The following ZFP91 variants were observed in gnomAD, a reference collection of about 807,000 sequenced individuals.
The protein encoded by ZFP91 is ZFP91 zinc finger protein, atypical E3 ubiquitin ligase, also known as E3 ubiquitin-protein ligase ZFP91.
In ZFP91, 7 loss-of-function variants were observed where a neutral mutation model predicts 63.5. The observed-to-expected ratio is 0.11, with a 90% CI of 0.06 to 0.21. ZFP91 has a LOEUF of 0.21. ZFP91 is among the 10% of genes least tolerant of loss of function. The probability of loss-of-function intolerance (pLI) is 1.00; values close to 1 mark genes in which losing one functional copy is unlikely to be tolerated. For missense variants in ZFP91, 628 were observed against 736.6 expected (o/e 0.85, Z 1.71); for synonymous variants, 330 against 272.1 (o/e 1.21, Z -2.10).
At chr11:58,588,179 A>C (rs1196592976) in intron 2 of ZFP91, among the ~76,000 whole-genome samples, 2 of 152,140 alleles carry the variant, frequency 1.3e-5, no homozygotes, top group African/African-American at 4.8e-5. Flanking sequence ...CTGGATCTCA[A>C]CCTTTTATTC....
chr11:58,617,875 C>T lies in ZFP91; in HGVS notation c.*169C>T, dbSNP rs1404585948. On this transcript the variant is annotated 3_prime_UTR_variant, in exon 11 of 11. Transcript: ENST00000316059. The surrounding 1 kb of genome is among the most constrained non-coding windows in gnomAD (Gnocchi z 4.2). Reference sequence around the variant, plus strand: ...ACATACACCCTCCACCTCCCCATCCCCTGTTCTCCCTCTGTTGCTCCCCTT... The same window carrying T: ...ACATACACCCTCCACCTCCCCATCCTCTGTTCTCCCTCTGTTGCTCCCCTT... 4.9e-6 allele frequency: 4 copies of T among 822,864 alleles called. No individual in the cohort carries two copies. The highest frequency in any genetic ancestry group is 1.8e-5 in the African/African-American group (1 of 56,398). The allele number at this position is 822,864 out of a possible 1,614,324, so 51.0% of individuals were successfully genotyped here. A position where few individuals can be genotyped will look rare whatever the true frequency, so the allele number is the denominator to read the frequency against.
chr11:58,583,565 G>T (rs1590608365), intron 1 of ZFP91, among the ~76,000 whole-genome samples: 1 of 152,104 alleles, frequency 6.6e-6, no homozygotes, highest in East Asian at 1.9e-4. Context: ...GAAATCCTGT[G>T]ATCAGGATCT....
intron 2 of ZFP91, among the ~76,000 whole-genome samples, chr11:58,586,807 T>C (rs1415282215): frequency 6.6e-6 from 1 of 152,240 alleles, no homozygotes; most frequent in Non-Finnish European, 1.5e-5. Context: ...ATGTTCAGTC[T>C]GCTAAATTTT....
chr11:58,612,458 G>A (rs958702164), intron 7 of ZFP91, 130 bp downstream of exon 7: 5 of 799,986 alleles, frequency 6.3e-6, no homozygotes, highest in South Asian at 3.6e-5. Flanking sequence ...CTTCACTAAT[G>A]TCCTAGATGC....
At chr11:58,605,901 C>T (rs1271811220) in intron 2 of ZFP91, among the ~76,000 whole-genome samples, 1 of 152,050 alleles carries the variant, frequency 6.6e-6, no homozygotes. Flanking sequence ...TAAACGATCT[C>T]TTAGGCTTTA....
chr11:58,590,358 G>A (rs1855283387), intron 2 of ZFP91, among the ~76,000 whole-genome samples: 1 of 152,124 alleles, frequency 6.6e-6, no homozygotes, highest in Non-Finnish European at 1.5e-5. Context: ...AAAATTTAGT[G>A]GCTTAAAACA....
chr11:58,621,165 T>A lies in ZFP91; in HGVS notation c.*3459T>A, dbSNP rs532027260. On this transcript the variant is annotated 3_prime_UTR_variant, in exon 11 of 11. Transcript: ENST00000316059. ...TGTGGGGCATACTATTGTTTGCTTT[T>A]GTTGAGAATCAGGTGGTTAATTTTT... 1.1e-4 allele frequency: 16 copies of A among 149,484 alleles called. No homozygotes were observed. Among genetic ancestry groups the A allele is most frequent in the African/African-American group, 4.0e-4 (16 of 40,164 alleles). The allele number at this position is 149,484 out of a possible 1,614,324, so 9.3% of individuals were successfully genotyped here.
rs1590603289 is a variant in ZFP91, at chr11:58,579,093, G to C, written c.-189G>C. On this transcript the variant is annotated 5_prime_UTR_variant, in exon 1 of 11. Coordinates refer to ENST00000316059, the MANE Select transcript of ZFP91 (RefSeq NM_053023.5). The stretch of plus-strand genomic sequence containing the variant: ...GCGCGCGCGCGCGCCGCCAGCGGTA[G>C]CGGACCTTGAGTGGCAGGGGGTGGG... The C allele has an allele frequency of 4.2e-5, 18 of 424,776 alleles. No homozygotes were observed. The highest frequency in any genetic ancestry group is 3.1e-4 in the South Asian group (5 of 16,288). The allele number at this position is 424,776 out of a possible 1,614,324, so 26.3% of individuals were successfully genotyped here.
intron 2 of ZFP91, among the ~76,000 whole-genome samples, chr11:58,600,230 G>A (rs1312717815): frequency 6.6e-6 from 1 of 152,052 alleles, no homozygotes; most frequent in African/African-American, 2.4e-5. Flanking sequence ...CAAAAAGGAA[G>A]CTGGGGTTTT....
intron 1 of ZFP91, among the ~76,000 whole-genome samples, chr11:58,580,216 T>C (rs1855089397): frequency 1.3e-5 from 2 of 152,166 alleles, no homozygotes; most frequent in African/African-American, 4.8e-5. Context: ...GTCTTTCATA[T>C]AAAATTATAT....
At position 58,620,146 on chromosome 11, in the gene ZFP91, C is replaced by G. The variant is rs1187727151; in HGVS notation, c.*2440C>G. 1.3e-5 allele frequency: 2 copies of G among 152,312 alleles called. No homozygotes were observed. The highest frequency in any genetic ancestry group is 1.9e-4 in the East Asian group (1 of 5,194). The allele number at this position is 152,312 out of a possible 1,614,324, so 9.4% of individuals were successfully genotyped here. A position where few individuals can be genotyped will look rare whatever the true frequency, so the allele number is the denominator to read the frequency against. On this transcript the variant is annotated 3_prime_UTR_variant, in exon 11 of 11. Coordinates refer to ENST00000316059, the MANE Select transcript of ZFP91 (RefSeq NM_053023.5). ...TCTTTTCTTTTAGGGGTCAAGGACC[C>G]TCTTTATAGCTACCATTTGCCTACA...
At chr11:58,584,366 A>AT (rs912158798) in intron 1 of ZFP91, among the ~76,000 whole-genome samples, 134 of 152,250 alleles carry the variant, frequency 8.8e-4, no homozygotes, top group African/African-American at 2.9e-3. Flanking sequence ...CCTAGCTGAG[A>AT]TTTTGCCATG....
At chr11:58,579,782 C>T (rs141618601) in intron 1 of ZFP91, among the ~76,000 whole-genome samples, 160 bp downstream of exon 1, 122 of 152,222 alleles carry the variant, frequency 8.0e-4, no homozygotes, top group Non-Finnish European at 1.1e-3. Flanking sequence ...GCCTTCGTGC[C>T]TCCTCTCTGC....
intron 9 of ZFP91, 122 bp downstream of exon 9, chr11:58,614,465 G>A: frequency 2.9e-6 from 2 of 684,770 alleles, no homozygotes; most frequent in Admixed American, 3.7e-5. Context: ...GCGGGGAAAA[G>A]GTGTGAAAAT....
chr11:58,584,435 C>G (rs186338883), intron 1 of ZFP91, among the ~76,000 whole-genome samples: 1 of 152,160 alleles, frequency 6.6e-6, no homozygotes, highest in African/African-American at 2.4e-5. Flanking sequence ...TCCCAAACAT[C>G]ATTTCATCTC....
chr11:58,614,501 A>G (rs1384956631), intron 9 of ZFP91, among the ~76,000 whole-genome samples, 158 bp downstream of exon 9: 1 of 152,190 alleles, frequency 6.6e-6, no homozygotes, highest in East Asian at 1.9e-4. Context: ...AAATTTTACA[A>G]GGGATGGGCA....
At chr11:58,591,146 G>A (rs780668688) in intron 2 of ZFP91, among the ~76,000 whole-genome samples, 53 of 152,030 alleles carry the variant, frequency 3.5e-4, no homozygotes, top group Non-Finnish European at 6.5e-4. Flanking sequence ...CAAGTCAACC[G>A]CCCCCAAGTG....
At chr11:58,612,684 A>G in intron 7 of ZFP91, 78 bp from the exon 8 acceptor site, 1 of 1,087,526 alleles carries the variant, frequency 9.2e-7, no homozygotes, top group Non-Finnish European at 1.4e-6. Context: ...TCCCAATAGC[A>G]CAGTTTAAGT....
chr11:58,615,441 T>G (rs940259726), intron 9 of ZFP91, among the ~76,000 whole-genome samples: 1 of 152,226 alleles, frequency 6.6e-6, no homozygotes, highest in African/African-American at 2.4e-5. Flanking sequence ...TGAAAAACTT[T>G]TATAAATTCA....
Sources: gnomAD v4.1 joint callset for allele counts (sites outside exome capture counted in the v4.1 genomes callset) on GRCh38, gnomAD v4.1.1 for gene constraint, Gnocchi (gnomAD v3.1) non-coding constraint, MANE v1.5 for transcripts, NCBI Gene and HGNC (gene_info 2026-07-23, HGNC 2026-07-21) for gene names.